Variants in SSPN observed in about 807,000 individuals in gnomAD.
SSPN encodes the protein K-ras oncogene-associated protein.
SSPN carries 15 observed loss-of-function variants against 19.1 expected under a neutral mutation model. The ratio of observed to expected loss-of-function variants is 0.78; its 90% confidence interval spans 0.52 to 1.21. SSPN has a LOEUF of 1.21. Ranked by LOEUF, SSPN falls within the 50% of genes most tolerant of loss-of-function variation. The pLI is 0.00. For synonymous variants in SSPN, 147 were observed against 140.3 expected (o/e 1.05, Z -0.34); for missense variants, 291 against 314.0 (o/e 0.93, Z 0.55).
chr12:26,137,230 A>G (rs1944430794), intron 1 of SSPN, among the ~76,000 whole-genome samples: 1 of 152,354 alleles, frequency 6.6e-6, no homozygotes, highest in South Asian at 2.1e-4. Flanking sequence ...TAAATGGCAG[A>G]GCCAGGATTT....
chr12:26,125,946 C>G (rs1022865012), intron 1 of SSPN: 1 of 152,390 alleles, frequency 6.6e-6, no homozygotes, highest in Non-Finnish European at 1.5e-5. Flanking sequence ...CCCGCCCCCC[C>G]GCGCGATAAG....
chr12:26,127,495 C>T (rs944785905), intron 1 of SSPN, among the ~76,000 whole-genome samples: 3 of 152,198 alleles, frequency 2.0e-5, no homozygotes, highest in African/African-American at 7.2e-5. Context: ...GTACCCTTTT[C>T]CCGTGATACC....
intron 1 of SSPN, among the ~76,000 whole-genome samples, chr12:26,179,379 C>A (rs1371348036): frequency 6.6e-6 from 1 of 152,144 alleles, no homozygotes; most frequent in East Asian, 1.9e-4. Context: ...GACTGGATGA[C>A]TGGATCTCAC....
rs112141677 is a variant in SSPN, at chr12:26,171,898, C to T, written c.-31+49746C>T. 2.7e-3 allele frequency among the ~76,000 whole-genome samples: 407 copies of T among 152,260 alleles called. 1 individual carries two copies. Among genetic ancestry groups the T allele is most frequent in the African/African-American group, 9.0e-3 (375 of 41,546 alleles). Reference sequence around the variant, plus strand: ...ATTGGCATCAGAAGCCAAGGCTTCACCTCTACCATTTGTCGCCTCTGTGAT... The same window carrying T: ...ATTGGCATCAGAAGCCAAGGCTTCATCTCTACCATTTGTCGCCTCTGTGAT... On this transcript the variant is annotated intron_variant, in intron 1 of 2. Coordinates refer to the SSPN transcript ENST00000538142.
intron 1 of SSPN, among the ~76,000 whole-genome samples, chr12:26,170,815 G>A (rs1183124846): frequency 6.6e-6 from 1 of 152,224 alleles, no homozygotes; most frequent in East Asian, 1.9e-4. Flanking sequence ...GAATGGGGGA[G>A]ATTGAGAGGA....
chr12:26,125,488 G>A (rs1591840580), intron 1 of SSPN: 1 of 156,540 alleles, frequency 6.4e-6, no homozygotes, highest in African/African-American at 2.4e-5. Context: ...AGGAAATTTT[G>A]GAGACTTGTT....
chr12:26,224,504 CA>C (rs1246540399), intron 2 of SSPN, 125 bp downstream of exon 2: 8 of 785,424 alleles, frequency 1.0e-5, no homozygotes, highest in East Asian at 2.5e-5. Context: ...TTAGGCAGGC[CA>C]AAAAATGTTT....
At chr12:26,211,058 T>C (rs1944980915) in intron 1 of SSPN, 1 of 152,096 alleles carries the variant, frequency 6.6e-6, no homozygotes, top group African/African-American at 2.4e-5. Flanking sequence ...GAATTCAAGA[T>C]GGTTGAAAGA....
intron 1 of SSPN, among the ~76,000 whole-genome samples, chr12:26,202,285 G>A (rs1484998518): frequency 6.6e-6 from 1 of 152,136 alleles, no homozygotes; most frequent in African/African-American, 2.4e-5. Flanking sequence ...AGGGCTGACT[G>A]TAGTTGTATA....
rs2137388232 is a variant in SSPN, at chr12:26,123,552, G to C, written c.-31+1400G>C. On this transcript the variant is annotated intron_variant, in intron 1 of 2. Transcript: ENST00000538142. ...GCCCACGGAAAGAGATGGGGTGCGG[G>C]TGAGGGAGTCCTGACACTGCTCCCC... 26 of 977,436 alleles carry C rather than the reference G, an allele frequency of 2.7e-5. No homozygotes were observed. In the South Asian group the frequency reaches 2.7e-4, roughly 10 times the overall value. 60.5% of individuals were successfully genotyped at this position (977,436 alleles called of 1,614,324 possible). A position where few individuals can be genotyped will look rare whatever the true frequency, so the allele number is the denominator to read the frequency against.
chr12:26,122,164 CG>C (rs1197608154), intron 1 of SSPN: 8 of 1,535,884 alleles, frequency 5.2e-6, no homozygotes, highest in Non-Finnish European at 7.0e-6. Context: ...TGGGTGCGGC[CG>C]TGCGGGTGCT....
At chr12:26,132,720 T>C (rs1379928438) in intron 1 of SSPN, among the ~76,000 whole-genome samples, 1 of 152,248 alleles carries the variant, frequency 6.6e-6, no homozygotes, top group Non-Finnish European at 1.5e-5. Context: ...ATGGCTCCTG[T>C]TCGGCTCTCC....
chr12:26,228,400 T>G (rs551265602), intron 2 of SSPN, among the ~76,000 whole-genome samples: 4 of 151,824 alleles, frequency 2.6e-5, no homozygotes, highest in Admixed American at 2.6e-4. Flanking sequence ...AAATTGCTAT[T>G]TAAGGATGTA....
chr12:26,191,677 TACACACACACACAC>T (rs10525695), upstream of SSPN, among the ~76,000 whole-genome samples: 87 of 149,120 alleles, frequency 5.8e-4, 1 homozygote, highest in African/African-American at 2.0e-3. Context: ...TAATTTGTTC[TACACACACACACAC>T]ACACACACAC....
At chr12:26,218,797 C>T (rs1945088033) in intron 1 of SSPN, among the ~76,000 whole-genome samples, 1 of 152,144 alleles carries the variant, frequency 6.6e-6, no homozygotes, top group African/African-American at 2.4e-5. Context: ...TAAGACTATC[C>T]TCAATTAACA....
At position 26,137,634 on chromosome 12, in the gene SSPN, A is replaced by ATG. The variant is rs1312267173; in HGVS notation, c.-31+15484_-31+15485dup. Among the ~76,000 whole-genome samples, 268 of 42,130 alleles carry ATG rather than the reference A, an allele frequency of 6.4e-3. 14 individuals carry two copies. Among genetic ancestry groups the ATG allele is most frequent in the African/African-American group, 0.019 (224 of 11,908 alleles). 27.6% of individuals were successfully genotyped at this position (42,130 alleles called of 152,430 possible). A position where few individuals can be genotyped will look rare whatever the true frequency, so the allele number is the denominator to read the frequency against. The stretch of plus-strand genomic sequence containing the variant: ...TACATATATATGTGTGTGTGTGTGT[A>ATG]TGTATATATATATATATATATATTT... On this transcript the variant is annotated intron_variant, in intron 1 of 2. Transcript: ENST00000538142.
intron 1 of SSPN, among the ~76,000 whole-genome samples, chr12:26,139,056 G>A (rs55752345): frequency 0.25 from 37,683 of 152,054 alleles, 5,091 homozygotes; most frequent in South Asian, 0.37. Context: ...TATGAAAAAT[G>A]TAGGTGTGTG....
At chr12:26,161,447 G>T (rs11048420) in intron 1 of SSPN, among the ~76,000 whole-genome samples, 29,736 of 151,940 alleles carry the variant, frequency 0.2, 4,903 homozygotes, top group African/African-American at 0.45. Context: ...CTCTTTCCCT[G>T]CCCTGCCCCA....
chr12:26,167,197 C>T (rs1054233653), intron 1 of SSPN, among the ~76,000 whole-genome samples: 1 of 152,190 alleles, frequency 6.6e-6, no homozygotes, highest in African/African-American at 2.4e-5. Context: ...TTGAGGCATA[C>T]ACCACATACG....
Sources: allele counts gnomAD v4.1 joint callset (sites outside exome capture counted in the v4.1 genomes callset), GRCh38; gene constraint gnomAD v4.1.1; transcripts MANE v1.5; gene names NCBI Gene and HGNC (gene_info 2026-07-23, HGNC 2026-07-21).